Variants in ROR1 observed in about 807,000 individuals in gnomAD.
ROR1 encodes inactive tyrosine-protein kinase transmembrane receptor ROR1.
In ROR1, 19 loss-of-function variants were observed where a neutral mutation model predicts 78.8. The observed-to-expected ratio is 0.24, with a 90% CI of 0.17 to 0.35. ROR1 has a LOEUF of 0.35. Among genes scored for constraint, ROR1 ranks in the 10% least tolerant of loss-of-function variants. ROR1 has a pLI of 1.00. For missense variants in ROR1, 917 were observed against 1,177.8 expected, an observed-to-expected ratio of 0.78 and a Z score of 3.24; for synonymous variants, 386 against 433.6, an observed-to-expected ratio of 0.89 and a Z score of 1.36.
At chr1:63,804,983 G>A (rs1569740202) in intron 1 of ROR1, among the ~76,000 whole-genome samples, 1 of 152,212 alleles carries the variant, frequency 6.6e-6, no homozygotes, top group East Asian at 1.9e-4. Flanking sequence ...CTGGCTTTCA[G>A]CAGTTGCCTC....
Position 63,903,434 on chromosome 1 carries a change from GT to G in ROR1, c.92-105860del, listed in dbSNP as rs928160138. Among the ~76,000 whole-genome samples the G allele has an allele frequency of 4.1e-3, 601 of 145,664 alleles. 4 individuals are homozygous for G. The highest frequency in any genetic ancestry group is 0.013 in the African/African-American group (517 of 39,938). On this transcript the variant is annotated intron_variant, in intron 1 of 8. Transcript: ENST00000371079. ...TTATTTAGTTTGTCTTCCATTTTAGGTTTTTTTTTTTACCCACTTCACTGAT... is the reference window on the plus strand; with the variant it reads ...TTATTTAGTTTGTCTTCCATTTTAGGTTTTTTTTTTACCCACTTCACTGAT...
intron 1 of ROR1, among the ~76,000 whole-genome samples, chr1:64,006,996 T>A (rs6692723): frequency 0.075 from 11,436 of 152,012 alleles, 517 homozygotes; most frequent in Middle Eastern, 0.11. Flanking sequence ...AAAATGTGCT[T>A]ATCTCTGTGA....
chr1:64,047,451 CT>C (rs1438565277), intron 2 of ROR1, among the ~76,000 whole-genome samples: 1 of 152,186 alleles, frequency 6.6e-6, no homozygotes, highest in Non-Finnish European at 1.5e-5. Flanking sequence ...GGTTAAGTAA[CT>C]TGCCCAAAGT....
intron 2 of ROR1, among the ~76,000 whole-genome samples, chr1:64,030,293 G>T (rs2100568196): frequency 6.6e-6 from 1 of 152,270 alleles, no homozygotes; most frequent in Middle Eastern, 3.4e-3. Context: ...AAAAAATGTT[G>T]CTTGAGGGGT....
At chr1:64,136,290 T>C (rs1649098231) in intron 4 of ROR1, among the ~76,000 whole-genome samples, 1 of 152,034 alleles carries the variant, frequency 6.6e-6, no homozygotes, top group African/African-American at 2.4e-5. Context: ...GGAAGAGAAT[T>C]TTGTTCTCCT....
intron 8 of ROR1, among the ~76,000 whole-genome samples, chr1:64,168,290 C>A (rs1650142041): frequency 6.6e-6 from 1 of 152,150 alleles, no homozygotes; most frequent in African/African-American, 2.4e-5. Flanking sequence ...GTCATAGTTA[C>A]CAATCTCATG....
At chr1:64,055,927 G>A (rs189926250) in intron 4 of ROR1, among the ~76,000 whole-genome samples, 1 of 152,168 alleles carries the variant, frequency 6.6e-6, no homozygotes, top group Admixed American at 6.5e-5. Flanking sequence ...AGTAGAATCC[G>A]ACAATATTTG....
chr1:64,043,257 G>T (rs1646758882), intron 2 of ROR1, among the ~76,000 whole-genome samples: 1 of 152,200 alleles, frequency 6.6e-6, no homozygotes, highest in African/African-American at 2.4e-5. Context: ...TGTCAAGTGG[G>T]TAAATAATAA....
chr1:64,028,661 T>C (rs1305215552), intron 2 of ROR1, among the ~76,000 whole-genome samples: 1 of 152,210 alleles, frequency 6.6e-6, no homozygotes, highest in African/African-American at 2.4e-5. Flanking sequence ...AAAAATTTTT[T>C]AGATACATAG....
Position 64,009,132 on chromosome 1 carries a change from C to T in ROR1, c.92-173C>T, listed in dbSNP as rs285399. Reference sequence around the variant, plus strand: ...ATTTGGATGGCATCTAAAATGCAGGCGCCTCTACTGGCATCTAGAGCCACC... The same window carrying T: ...ATTTGGATGGCATCTAAAATGCAGGTGCCTCTACTGGCATCTAGAGCCACC... On this transcript the variant is annotated intron_variant, in intron 1 of 8. Coordinates refer to ENST00000371079, the MANE Select transcript of ROR1 (RefSeq NM_005012.4). Among the ~76,000 whole-genome samples the T allele has an allele frequency of 0.66, 99,950 of 152,010 alleles. 37,441 individuals carry two copies. Among genetic ancestry groups the T allele is most frequent in the East Asian group, 0.94 (4,874 of 5,174 alleles).
intron 1 of ROR1, among the ~76,000 whole-genome samples, chr1:63,779,371 C>G (rs1361165551): frequency 1.3e-5 from 2 of 152,088 alleles, no homozygotes; most frequent in African/African-American, 4.8e-5. Flanking sequence ...AAATCCAGCT[C>G]CAGCTGAGAA....
In ROR1 at chr1:64,159,207, A is replaced by T. The variant is rs368688940; in HGVS notation, c.1386+15A>T. 8.2e-6 allele frequency: 13 copies of T among 1,585,890 alleles called. No homozygotes were observed. The South Asian group carries it at 1.3e-4, about 16-fold the overall frequency. On this transcript the variant is annotated intron_variant, in intron 8 of 8. Transcript: ENST00000371079. ...ATAAACCCAAGGTAATGTTAGCAGT[A>T]CAGAGCTACATTTGTTCCGTGGGCT...
At chr1:64,117,556 C>T (rs1648358283) in intron 4 of ROR1, among the ~76,000 whole-genome samples, 1 of 152,176 alleles carries the variant, frequency 6.6e-6, no homozygotes, top group Non-Finnish European at 1.5e-5. Flanking sequence ...CTGCTGCATG[C>T]CACACACCTG....
chr1:63,952,328 A>G (rs936351694), intron 1 of ROR1, among the ~76,000 whole-genome samples: 4 of 152,128 alleles, frequency 2.6e-5, no homozygotes, highest in African/African-American at 9.7e-5. Flanking sequence ...GAAAAGCAGA[A>G]CTAGGTGATG....
intron 2 of ROR1, among the ~76,000 whole-genome samples, chr1:64,012,210 G>A (rs774389000): frequency 5.9e-5 from 9 of 152,204 alleles, no homozygotes; most frequent in Non-Finnish European, 8.8e-5. Context: ...GGGGATAAGA[G>A]TTGGAGCCAC....
In ROR1 at chr1:63,995,960, A is replaced by C. The variant is rs1414058678; in HGVS notation, c.92-13345A>C. 2.0e-5 allele frequency among the ~76,000 whole-genome samples: 3 copies of C among 152,156 alleles called. No homozygotes were observed. The East Asian group carries it at 5.8e-4, about 29-fold the overall frequency. ...AGGAGATACAAAAAGATGTGGATAC[A>C]GGGAGGAATAAATTGTGGGCATTTT... On this transcript the variant is annotated intron_variant, in intron 1 of 8. Transcript: ENST00000371079.
intron 1 of ROR1, among the ~76,000 whole-genome samples, chr1:63,803,404 C>T (rs751632391): frequency 1.3e-5 from 2 of 150,760 alleles, no homozygotes; most frequent in Non-Finnish European, 2.9e-5. Context: ...AGTGCAGTGG[C>T]GCAATATCGG....
chr1:64,065,860 C>T (rs915708814), intron 4 of ROR1, among the ~76,000 whole-genome samples: 4 of 152,088 alleles, frequency 2.6e-5, no homozygotes, highest in Admixed American at 6.5e-5. Context: ...TAGTGATTGC[C>T]GATAGTTAGT....
intron 4 of ROR1, among the ~76,000 whole-genome samples, chr1:64,073,726 G>C (rs984188367): frequency 1.5e-4 from 23 of 152,212 alleles, no homozygotes; most frequent in Non-Finnish European, 7.3e-5. Context: ...GAAAAATCAT[G>C]TTGGCAAATG....
Sources: allele counts gnomAD v4.1 joint callset (sites outside exome capture counted in the v4.1 genomes callset), GRCh38; gene constraint gnomAD v4.1.1; transcripts MANE v1.5; gene names NCBI Gene and HGNC (gene_info 2026-07-23, HGNC 2026-07-21).